The following PRDM2 variants were observed in gnomAD, a reference collection of about 807,000 sequenced individuals.
The protein encoded by PRDM2 is PR domain zinc finger protein 2.
In PRDM2, 30 loss-of-function variants were observed where a neutral mutation model predicts 130.0. The observed-to-expected ratio is 0.23, with a 90% CI of 0.17 to 0.31. The LOEUF (loss-of-function observed/expected upper bound fraction) is 0.31, where lower values mean the gene tolerates loss of function less well. PRDM2 is among the 10% of genes least tolerant of loss of function. PRDM2 has a pLI of 1.00. For missense variants in PRDM2, 2,011 were observed against 2,108.4 expected, an observed-to-expected ratio of 0.95 and a Z score of 0.90; for synonymous variants, 871 against 782.4, an observed-to-expected ratio of 1.11 and a Z score of -1.89.
chr1:13,761,867 A>G (rs1274908630), intron 6 of PRDM2, among the ~76,000 whole-genome samples: 1 of 152,182 alleles, frequency 6.6e-6, no homozygotes. Context: ...TGAGTGACAG[A>G]ATTCTCTCTA....
chr1:13,779,534 C>G lies in PRDM2; in HGVS notation c.1739C>G (p.Thr580Ser). Residue 580 changes from threonine (T) to serine (S), a missense_variant, in exon 8 of 10, where the codon ACT (threonine) becomes AGT (serine). Thr to Ser is a moderately conservative substitution (Grantham distance 58). Around this residue, in one of 5 missense-constraint regions of PRDM2, gnomAD observed 1,288 missense variants for 1,237.7 expected, o/e 1.04. Transcript: ENST00000311066. This position sits in a 1 kb window ranked among gnomAD's most constrained non-coding sequence, Gnocchi z 4.9. Reference protein sequence around the residue: ...IDGKIQTNNNTSNCDVIEMES... With the variant: ...IDGKIQTNNNSSNCDVIEMES... ...GGTAAAATTCAAACTAATAACAACA[C>G]TAGTAACTGTGATGTGATTGAGATG... is the stretch of plus-strand genomic sequence containing the variant. 1.2e-6 allele frequency: 2 copies of G among 1,614,078 alleles called. No individual in the cohort carries two copies. The highest frequency in any genetic ancestry group is 1.3e-5 in the African/African-American group (1 of 75,032).
intron 2 of PRDM2, among the ~76,000 whole-genome samples, chr1:13,720,642 T>A (rs1056902692): frequency 6.6e-6 from 1 of 152,216 alleles, no homozygotes; most frequent in African/African-American, 2.4e-5. Flanking sequence ...AAATAGTAAC[T>A]TACCGTGTTT....
At chr1:13,751,940 C>T (rs1042129724) in intron 6 of PRDM2, among the ~76,000 whole-genome samples, 2 of 151,846 alleles carry the variant, frequency 1.3e-5, no homozygotes, top group African/African-American at 4.8e-5. Flanking sequence ...TTCTCTCTCC[C>T]CTCATCACCT....
At chr1:13,743,399 CAAAAAAAAAA>C (rs70984282) in intron 5 of PRDM2, among the ~76,000 whole-genome samples, 4 of 41,784 alleles carry the variant, frequency 9.6e-5, no homozygotes, top group African/African-American at 2.0e-4. Context: ...GACTCTGTCT[CAAAAAAAAAA>C]AAAAAAAAAA....
chr1:13,752,095 C>T (rs796637979), intron 6 of PRDM2, among the ~76,000 whole-genome samples: 6 of 152,148 alleles, frequency 3.9e-5, no homozygotes, highest in African/African-American at 1.4e-4. Context: ...CTTATGGCGC[C>T]GACAAACGTT....
At chr1:13,802,683 A>G (rs1396101635) in intron 8 of PRDM2, among the ~76,000 whole-genome samples, 23 of 152,230 alleles carry the variant, frequency 1.5e-4, no homozygotes, top group Admixed American at 1.4e-3. Flanking sequence ...GAATCTTACC[A>G]TCTAAAAAGG....
intron 8 of PRDM2, among the ~76,000 whole-genome samples, chr1:13,799,708 G>T (rs1006531250): frequency 3.3e-5 from 5 of 152,204 alleles, no homozygotes; most frequent in Non-Finnish European, 7.3e-5. Context: ...CCAAAGGTCA[G>T]TTGCATTTGT....
At chr1:13,807,563 G>A (rs537325051) in intron 8 of PRDM2, among the ~76,000 whole-genome samples, 51 of 152,276 alleles carry the variant, frequency 3.3e-4, no homozygotes, top group African/African-American at 1.2e-3. Flanking sequence ...CTGGGAATGA[G>A]ACATTTGAAC....
intron 6 of PRDM2, among the ~76,000 whole-genome samples, chr1:13,760,978 C>G (rs76619613): frequency 6.6e-6 from 1 of 152,328 alleles, no homozygotes; most frequent in Non-Finnish European, 1.5e-5. Context: ...AGTAAAGGGC[C>G]TGTTTGGATC....
At position 13,787,223 on chromosome 1, in the gene PRDM2, A is replaced by G. The variant is rs998726114; in HGVS notation, c.5036+4392A>G. On this transcript the variant is annotated intron_variant, in intron 8 of 9. Coordinates refer to ENST00000311066, the MANE Select transcript of PRDM2 (RefSeq NM_001393986.1). ...TCTGGCACTAATTTATAACTATTAT[A>G]TTATCAGAGACTATGTAGCAATATA... The G allele has an allele frequency of 3.0e-6, 3 of 983,702 alleles. No individual in the cohort carries two copies. The African/African-American group carries it at 5.2e-5, about 17-fold the overall frequency. 60.9% of individuals were successfully genotyped at this position (983,702 alleles called of 1,614,324 possible).
rs762471004 is a variant in PRDM2, at chr1:13,781,996, A to G, written c.4201A>G (p.Lys1401Glu). 1.2e-6 allele frequency: 2 copies of G among 1,614,242 alleles called. No individual in the cohort carries two copies. The highest frequency in any genetic ancestry group is 2.2e-5 in the South Asian group (2 of 91,084). Residue 1401 changes from lysine (K) to glutamate (E), a missense_variant, in exon 8 of 10, where the codon AAA becomes GAA. Coordinates refer to ENST00000311066, the MANE Select transcript of PRDM2 (RefSeq NM_001393986.1). The surrounding 1 kb of genome is among the most constrained non-coding windows in gnomAD (Gnocchi z 6.1). ...KNAFRRMGQP[K>E]RLNFSVELSK... ...TGCCTTCCGACGAATGGGACAGCCC[A>G]AAAGGCTTAACTTTAGTGTTGAGCT...
chr1:13,724,378 T>A (rs1557600997), intron 2 of PRDM2, among the ~76,000 whole-genome samples: 1 of 152,242 alleles, frequency 6.6e-6, no homozygotes, highest in Non-Finnish European at 1.5e-5. Flanking sequence ...CTCTTGTGCC[T>A]GTTTGGGGAA....
intron 1 of PRDM2, among the ~76,000 whole-genome samples, chr1:13,704,189 AATTAC>A (rs1292556963): frequency 6.6e-6 from 1 of 152,260 alleles, no homozygotes; most frequent in African/African-American, 2.4e-5. Flanking sequence ...TGGTTTTCTG[AATTAC>A]AGAACATCTG....
chr1:13,823,300 C>A lies in PRDM2; in HGVS notation c.*165C>A. 1 of 1,268,750 alleles carries A rather than the reference C, an allele frequency of 7.9e-7. No individual in the cohort carries two copies. The highest frequency in any genetic ancestry group is 1.3e-5 in the South Asian group (1 of 78,872). The allele number at this position is 1,268,750 out of a possible 1,614,324, so 78.6% of individuals were successfully genotyped here. ...GTGCATGTGTGCGTGCGTGTGTGTT[C>A]ACGTGTTCTCGTGCGGGCGCGTGAG... On this transcript the variant is annotated 3_prime_UTR_variant, in exon 10 of 10. Coordinates refer to ENST00000311066, the MANE Select transcript of PRDM2 (RefSeq NM_001393986.1).
intron 6 of PRDM2, chr1:13,768,964 G>T (rs552029305): frequency 6.7e-5 from 14 of 207,870 alleles, no homozygotes; most frequent in Non-Finnish European, 1.0e-4. Context: ...TGATGCAGTA[G>T]ATAACTGCTG....
chr1:13,740,997 A>T (rs1241552819), intron 4 of PRDM2, among the ~76,000 whole-genome samples: 2 of 152,238 alleles, frequency 1.3e-5, no homozygotes, highest in Non-Finnish European at 2.9e-5. Flanking sequence ...GGAAACATCT[A>T]GATTATATCC....
intron 8 of PRDM2, among the ~76,000 whole-genome samples, chr1:13,804,750 C>T (rs1482110766): frequency 4.6e-5 from 7 of 152,180 alleles, no homozygotes; most frequent in African/African-American, 7.2e-5. Context: ...GCATCAGGAT[C>T]GGTTTAGTAT....
In PRDM2 at chr1:13,778,932, G is replaced by A. The variant is rs750687555; in HGVS notation, c.1137G>A (p.Met379Ile). 1.1e-5 allele frequency: 17 copies of A among 1,614,092 alleles called. No homozygotes were observed. Among genetic ancestry groups the A allele is most frequent in the Non-Finnish European group, 1.4e-5 (16 of 1,180,054 alleles). Residue 379 changes from methionine (M) to isoleucine (I), a missense_variant, in exon 8 of 10, where the codon ATG (methionine) becomes ATA (isoleucine). Physicochemically the swap from Met to Ile is conservative, Grantham distance 10. Transcript: ENST00000311066. ...FTTKQGLERH[M>I]HIHISTVNHA... ...CCAAACAGGGGCTTGAGCGTCACAT[G>A]CATATCCATATATCCACCGTCAATC...
chr1:13,761,489 G>A (rs2100586307), intron 6 of PRDM2, among the ~76,000 whole-genome samples: 1 of 152,286 alleles, frequency 6.6e-6, no homozygotes, highest in Non-Finnish European at 1.5e-5. Flanking sequence ...TGGGCTTTCT[G>A]AGGAGTTGGA....
Sources: gnomAD v4.1 joint callset for allele counts (sites outside exome capture counted in the v4.1 genomes callset) on GRCh38, gnomAD v4.1.1 for gene constraint, gnomAD v4.1.1 regional missense constraint, Gnocchi (gnomAD v3.1) non-coding constraint, MANE v1.5 for transcripts, NCBI Gene and HGNC (gene_info 2026-07-23, HGNC 2026-07-21) for gene names.